USP6NL: variants seen among roughly 807,000 people sequenced by gnomAD.
USP6NL encodes USP6 N-terminal-like protein.
Under a neutral mutation model 61.9 loss-of-function variants are expected in USP6NL, and 26 were observed. The ratio of observed to expected loss-of-function variants is 0.42; its 90% CI spans 0.31 to 0.58. The LOEUF is 0.58. Ranked by LOEUF, USP6NL falls within the 20% of genes least tolerant of loss-of-function variation. USP6NL has a pLI of 0.16. For missense variants in USP6NL, 1,114 were observed against 1,034.3 expected (o/e 1.08, Z -1.06); for synonymous variants, 432 against 390.1 (o/e 1.11, Z -1.27).
At position 11,461,064 on chromosome 10, in the gene USP6NL, C is replaced by T. The variant is rs1237818041; in HGVS notation, c.*1377G>A. The T allele has an allele frequency of 1.3e-5, 2 of 152,352 alleles. No individual in the cohort carries two copies. The highest frequency in any genetic ancestry group is 2.9e-5 in the Non-Finnish European group (2 of 68,022). 9.4% of individuals were successfully genotyped at this position (152,352 alleles called of 1,614,324 possible). On this transcript the variant is annotated 3_prime_UTR_variant, in exon 15 of 15. Transcript: ENST00000609104. Reference sequence around the variant, plus strand: ...GTACCTTGAAAGTTTAAAGCCCCACCTTGCAACAGGAAGAAACATCAATGT... The same window carrying T: ...GTACCTTGAAAGTTTAAAGCCCCACTTTGCAACAGGAAGAAACATCAATGT...
In USP6NL at chr10:11,591,732, T is replaced by C. The variant is rs908078097; in HGVS notation, c.4+5899A>G. Among the ~76,000 whole-genome samples the C allele has an allele frequency of 1.3e-5, 2 of 152,202 alleles. No individual in the cohort carries two copies. The highest frequency in any genetic ancestry group is 1.3e-4 in the Admixed American group (2 of 15,274). ...AAATTTGGGGTACTATTTTTACAAC[T>C]TTTCTTGTTGTAAGTTTGAAAAAAT... On this transcript the variant is annotated intron_variant, in intron 2 of 14. Coordinates refer to ENST00000609104, the MANE Select transcript of USP6NL (RefSeq NM_014688.5). This position sits in a 1 kb window ranked among gnomAD's most constrained non-coding sequence, Gnocchi z 4.7.
At chr10:11,558,543 G>A (rs1836802863) in intron 2 of USP6NL, among the ~76,000 whole-genome samples, 1 of 152,048 alleles carries the variant, frequency 6.6e-6, no homozygotes, top group African/African-American at 2.4e-5. Context: ...TGATGGTCTG[G>A]TCCTCATTTG....
At chr10:11,546,091 T>A (rs1368985396) in intron 2 of USP6NL, among the ~76,000 whole-genome samples, 1 of 152,226 alleles carries the variant, frequency 6.6e-6, no homozygotes, top group Admixed American at 6.5e-5. Flanking sequence ...GCTTTACAAT[T>A]TCACAAACTC....
At chr10:11,566,738 T>C (rs1405826836) in intron 2 of USP6NL, among the ~76,000 whole-genome samples, 1 of 152,272 alleles carries the variant, frequency 6.6e-6, no homozygotes, top group Non-Finnish European at 1.5e-5. Context: ...ATGTGGCTAC[T>C]GGCTACCATG....
chr10:11,533,041 CT>C (rs1835717337), intron 2 of USP6NL, among the ~76,000 whole-genome samples: 1 of 152,200 alleles, frequency 6.6e-6, no homozygotes, highest in Non-Finnish European at 1.5e-5. Context: ...AGTAACATCC[CT>C]GTTAGAGGCA....
In USP6NL at chr10:11,463,207, G is replaced by A. The variant is rs760014793; in HGVS notation, c.1721C>T (p.Ser574Phe). Residue 574 changes from serine (S) to phenylalanine (F), a missense_variant, in exon 15 of 15, where the codon TCC becomes TTC. Coordinates refer to ENST00000609104, the MANE Select transcript of USP6NL (RefSeq NM_014688.5). This position sits in a 1 kb window ranked among gnomAD's most constrained non-coding sequence, Gnocchi z 6.3. ...SVEEALERAY[S>F]QSPRHALYPP... ...GTAAAGGGCATGCCGGGGGCTCTGGGAGTAAGCCCTTTCCAGCGCCTCCTC... is the reference window on the plus strand; with the variant it reads ...GTAAAGGGCATGCCGGGGGCTCTGGAAGTAAGCCCTTTCCAGCGCCTCCTC... The A allele has an allele frequency of 5.0e-6, 8 of 1,613,398 alleles. No homozygotes were observed. In the South Asian group the frequency reaches 8.8e-5, roughly 18 times the overall value.
At position 11,509,623 on chromosome 10, in the gene USP6NL, C is replaced by G; in HGVS notation, c.248G>C (p.Gly83Ala). ...RTTKWLKMLK[G>A]WEKYKNTEKF... ...TTCAGTGTTCTTGTATTTTTCCCAT[C>G]CTTTCAGCATTTTCAGCCATTTGGT... The change falls in exon 6 of 15, where the codon GGA becomes GCA. Residue 83 changes from glycine (G) to alanine (A), a missense_variant. Transcript: ENST00000609104. 1 of 1,566,038 alleles carries G rather than the reference C, an allele frequency of 6.4e-7. No homozygotes were observed. The highest frequency in any genetic ancestry group is 1.3e-5 in the African/African-American group (1 of 74,282).
Position 11,532,102 on chromosome 10 carries a change from G to T in USP6NL, c.5-4535C>A. 2 of 1,077,078 alleles carry T rather than the reference G, an allele frequency of 1.9e-6. No individual in the cohort carries two copies. The highest frequency in any genetic ancestry group is 3.1e-5 in the South Asian group (2 of 63,984). 66.7% of individuals were successfully genotyped at this position (1,077,078 alleles called of 1,614,324 possible). A position where few individuals can be genotyped will look rare whatever the true frequency, so the allele number is the denominator to read the frequency against. ...TTCCAATAAAATAAAATTTACAGCA[G>T]ACCATTTTTCCTAGAGTACATTTTG... is the stretch of plus-strand genomic sequence containing the variant. On this transcript the variant is annotated intron_variant, in intron 2 of 14. Transcript: ENST00000609104. This position sits in a 1 kb window ranked among gnomAD's most constrained non-coding sequence, Gnocchi z 4.1.
chr10:11,589,883 G>C lies in USP6NL; in HGVS notation c.4+7748C>G, dbSNP rs1054843371. Among the ~76,000 whole-genome samples, 2 of 152,142 alleles carry C rather than the reference G, an allele frequency of 1.3e-5. No individual in the cohort carries two copies. Among genetic ancestry groups the C allele is most frequent in the Non-Finnish European group, 1.5e-5 (1 of 68,024 alleles). ...ACAAAATCAAACCGGTGCCGCTCCA[G>C]GGTACCAAGGCAATGCCAGGGGAAG... On this transcript the variant is annotated intron_variant, in intron 2 of 14. Coordinates refer to ENST00000609104, the MANE Select transcript of USP6NL (RefSeq NM_014688.5). The surrounding 1 kb of genome is among the most constrained non-coding windows in gnomAD (Gnocchi z 4.7).
intron 2 of USP6NL, among the ~76,000 whole-genome samples, chr10:11,567,884 A>G (rs1443748718): frequency 6.6e-6 from 1 of 152,200 alleles, no homozygotes; most frequent in Non-Finnish European, 1.5e-5. Flanking sequence ...TCTAGTGTAC[A>G]GGGAAGTTCC....
At chr10:11,549,912 A>T (rs1265997490) in intron 2 of USP6NL, among the ~76,000 whole-genome samples, 2 of 152,194 alleles carry the variant, frequency 1.3e-5, no homozygotes, top group Non-Finnish European at 2.9e-5. Context: ...TACAAAACGG[A>T]TTTATTTATA....
chr10:11,506,015 T>C (rs943694579), intron 6 of USP6NL, among the ~76,000 whole-genome samples: 2 of 152,196 alleles, frequency 1.3e-5, no homozygotes, highest in Non-Finnish European at 2.9e-5. Flanking sequence ...ATAACTACAT[T>C]CTACTTCCCT....
At chr10:11,555,708 C>T (rs1230175210) in intron 2 of USP6NL, among the ~76,000 whole-genome samples, 2 of 151,798 alleles carry the variant, frequency 1.3e-5, no homozygotes, top group Non-Finnish European at 2.9e-5. Flanking sequence ...TACCTGGACA[C>T]ATCAGAGTAA....
At chr10:11,550,758 AAAAT>A (rs1051930112) in intron 2 of USP6NL, among the ~76,000 whole-genome samples, 6 of 152,044 alleles carry the variant, frequency 3.9e-5, no homozygotes, top group Non-Finnish European at 8.8e-5. Context: ...TCCGTCTCAA[AAAAT>A]AAATAAATAA....
intron 6 of USP6NL, 79 bp downstream of exon 6, chr10:11,509,516 A>C: frequency 3.0e-6 from 4 of 1,320,234 alleles, no homozygotes; most frequent in Non-Finnish European, 4.1e-6. Context: ...ACACTCTTAT[A>C]ATTAAAGAAG....
At chr10:11,582,604 T>G (rs1837817841) in intron 2 of USP6NL, among the ~76,000 whole-genome samples, 1 of 152,236 alleles carries the variant, frequency 6.6e-6, no homozygotes, top group Non-Finnish European at 1.5e-5. Flanking sequence ...TCATATAATT[T>G]CAAAGCAGAT....
At position 11,525,712 on chromosome 10, in the gene USP6NL, A is replaced by G. The variant is rs1835387536; in HGVS notation, c.73-244T>C. ...TGTGTGTCAGCAGCAGCTGACGCGG[A>G]GCTGAGCCAGGATCAGGCCAGGGTT... is the stretch of plus-strand genomic sequence containing the variant. On this transcript the variant is annotated intron_variant, in intron 3 of 14. Coordinates refer to ENST00000609104, the MANE Select transcript of USP6NL (RefSeq NM_014688.5). This position sits in a 1 kb window ranked among gnomAD's most constrained non-coding sequence, Gnocchi z 5.0. Among the ~76,000 whole-genome samples, 1 of 152,158 alleles carries G rather than the reference A, an allele frequency of 6.6e-6. No homozygotes were observed. The highest frequency in any genetic ancestry group is 2.4e-5 in the African/African-American group (1 of 41,436).
rs886488912 is a variant in USP6NL at position 11,487,448 on chromosome 10, C to G, written c.665-1537G>C. ...TAGATTAGTCTAGTGACAATAATTG[C>G]TGAAGGTAAGCTATCAAATAGGTTT... On this transcript the variant is annotated intron_variant, in intron 10 of 14. Coordinates refer to ENST00000609104, the MANE Select transcript of USP6NL (RefSeq NM_014688.5). This position sits in a 1 kb window ranked among gnomAD's most constrained non-coding sequence, Gnocchi z 4.2. 1.3e-5 allele frequency among the ~76,000 whole-genome samples: 2 copies of G among 152,110 alleles called. No homozygotes were observed. The highest frequency in any genetic ancestry group is 2.9e-5 in the Non-Finnish European group (2 of 68,004).
At chr10:11,521,197 T>C (rs957447636) in intron 4 of USP6NL, among the ~76,000 whole-genome samples, 1 of 151,702 alleles carries the variant, frequency 6.6e-6, no homozygotes, top group African/African-American at 2.4e-5. Context: ...ATTGACTAAA[T>C]TTTATTTTTG....
Sources: allele counts gnomAD v4.1 joint callset (sites outside exome capture counted in the v4.1 genomes callset), GRCh38; gene constraint gnomAD v4.1.1; non-coding constraint Gnocchi (gnomAD v3.1); transcripts MANE v1.5; gene names NCBI Gene and HGNC (gene_info 2026-07-23, HGNC 2026-07-21).